The following COX7B2 variants were observed in gnomAD, a reference collection of about 807,000 sequenced individuals.
COX7B2 encodes the protein cytochrome c oxidase subunit 7B2.
For missense variants in COX7B2, 109 were observed against 95.9 expected (o/e 1.14, Z -0.57); for synonymous variants, 37 against 32.1 (o/e 1.15, Z -0.51).
rs553861187 is a variant in COX7B2 at position 46,780,449 on chromosome 4, A to G, written c.-49-45208T>C. On this transcript the variant is annotated intron_variant, in intron 2 of 2. Transcript: ENST00000355591. ...GGAGAATGGCATGAACCCAGGAGGC[A>G]GAGCTTGCAGTGAGCCAAGATCGTG... Among the ~76,000 whole-genome samples the G allele has an allele frequency of 1.2e-3, 188 of 152,266 alleles. 1 individual carries two copies. Among genetic ancestry groups the G allele is most frequent in the African/African-American group, 4.3e-3 (177 of 41,552 alleles).
At chr4:46,845,694 G>GAAGAAAAAACCCT (rs1351047549) in intron 1 of COX7B2, among the ~76,000 whole-genome samples, 1 of 151,922 alleles carries the variant, frequency 6.6e-6, no homozygotes, top group Non-Finnish European at 1.5e-5. Context: ...ACAGTCCACA[G>GAAGAAAAAACCCT]AAGAAAAAAC....
intron 2 of COX7B2, among the ~76,000 whole-genome samples, chr4:46,799,550 G>A (rs545394525): frequency 3.0e-4 from 45 of 152,254 alleles, no homozygotes; most frequent in African/African-American, 8.7e-4. Context: ...AGTTTGTTGA[G>A]AGTTTATAAT....
chr4:46,840,920 C>A (rs190321647), intron 2 of COX7B2, among the ~76,000 whole-genome samples: 1 of 151,928 alleles, frequency 6.6e-6, no homozygotes, highest in African/African-American at 2.4e-5. Flanking sequence ...TAAAAGGACT[C>A]ATTAAATGAA....
chr4:46,805,091 G>A (rs1221766999), intron 2 of COX7B2, among the ~76,000 whole-genome samples: 2 of 152,206 alleles, frequency 1.3e-5, no homozygotes, highest in East Asian at 1.9e-4. Flanking sequence ...TCCGAGTGCA[G>A]GACCCGCCAA....
At chr4:46,849,069 C>T (rs1446391181) in intron 1 of COX7B2, among the ~76,000 whole-genome samples, 2 of 151,832 alleles carry the variant, frequency 1.3e-5, no homozygotes, top group Non-Finnish European at 2.9e-5. Flanking sequence ...CAATTCTTTC[C>T]CCAAATATTT....
chr4:46,813,589 A>G (rs940466755), intron 2 of COX7B2, among the ~76,000 whole-genome samples: 1 of 152,200 alleles, frequency 6.6e-6, no homozygotes, highest in African/African-American at 2.4e-5. Flanking sequence ...GAGTATTAGG[A>G]CAAATACCTA....
At chr4:46,907,225 T>C (rs911235835) in intron 1 of COX7B2, among the ~76,000 whole-genome samples, 3 of 152,202 alleles carry the variant, frequency 2.0e-5, no homozygotes, top group Admixed American at 6.5e-5. Flanking sequence ...TGAATCTCTA[T>C]TTCCCTCTAC....
chr4:46,842,072 C>A (rs1715966806), intron 2 of COX7B2, among the ~76,000 whole-genome samples: 2 of 151,928 alleles, frequency 1.3e-5, no homozygotes, highest in South Asian at 2.1e-4. Flanking sequence ...TTATATTATT[C>A]ATAAAGAAGC....
chr4:46,750,431 A>T (rs545132473), intron 2 of COX7B2, among the ~76,000 whole-genome samples: 1 of 152,260 alleles, frequency 6.6e-6, no homozygotes, highest in Non-Finnish European at 1.5e-5. Flanking sequence ...AATTTCTTTT[A>T]TTATAAGGAC....
intron 1 of COX7B2, among the ~76,000 whole-genome samples, chr4:46,898,662 A>G (rs1482846461): frequency 6.6e-6 from 1 of 152,082 alleles, no homozygotes; most frequent in Non-Finnish European, 1.5e-5. Flanking sequence ...TGGGCCCAAG[A>G]GATCCACTGG....
intron 2 of COX7B2, among the ~76,000 whole-genome samples, chr4:46,765,313 G>A (rs920021826): frequency 1.5e-5 from 2 of 134,518 alleles, no homozygotes; most frequent in African/African-American, 5.3e-5. Flanking sequence ...GAGAGAGATA[G>A]CCATTGCAGG....
chr4:46,893,657 A>G (rs1719577666), intron 1 of COX7B2, among the ~76,000 whole-genome samples: 1 of 152,184 alleles, frequency 6.6e-6, no homozygotes, highest in Admixed American at 6.5e-5. Flanking sequence ...ATCCATGGAT[A>G]AAGTCAAAAA....
intron 2 of COX7B2, among the ~76,000 whole-genome samples, chr4:46,795,021 C>T (rs935681643): frequency 1.4e-5 from 2 of 140,270 alleles, no homozygotes; most frequent in African/African-American, 3.2e-5. Flanking sequence ...CTGTTCATGT[C>T]CTTCGCCCAC....
At chr4:46,824,456 C>A (rs2109704926) in intron 2 of COX7B2, among the ~76,000 whole-genome samples, 1 of 152,132 alleles carries the variant, frequency 6.6e-6, no homozygotes, top group Middle Eastern at 3.4e-3. Flanking sequence ...TCACTTGTAC[C>A]AAAGTCAATC....
At chr4:46,838,089 A>C (rs796715935) in intron 2 of COX7B2, among the ~76,000 whole-genome samples, 3 of 152,162 alleles carry the variant, frequency 2.0e-5, no homozygotes, top group African/African-American at 7.2e-5. Flanking sequence ...TGCCAACTAC[A>C]AGCAAAATAG....
rs542768254 is a variant in COX7B2, at chr4:46,811,273, G to A, written c.-50+33687C>T. Among the ~76,000 whole-genome samples, 156 of 150,860 alleles carry A rather than the reference G, an allele frequency of 1.0e-3. 1 individual carries two copies. The highest frequency in any genetic ancestry group is 3.7e-3 in the African/African-American group (153 of 41,222). On this transcript the variant is annotated intron_variant, in intron 2 of 2. Coordinates refer to ENST00000355591, the MANE Select transcript of COX7B2 (RefSeq NM_130902.3). The stretch of plus-strand genomic sequence containing the variant: ...TTTGTCTTTCTCTTATGTTTTTGGG[G>A]ACTCCAATAATCAAATATTTATTCA...
chr4:46,893,349 G>A (rs891978930), intron 1 of COX7B2, among the ~76,000 whole-genome samples: 1 of 152,220 alleles, frequency 6.6e-6, no homozygotes, highest in Middle Eastern at 3.4e-3. Flanking sequence ...TTCCCTCCAC[G>A]GATAAGTTAT....
chr4:46,804,089 G>A (rs1718829545), intron 2 of COX7B2, among the ~76,000 whole-genome samples: 1 of 152,032 alleles, frequency 6.6e-6, no homozygotes, highest in South Asian at 2.1e-4. Flanking sequence ...GCTCAGGAGT[G>A]AAGCTGCAGA....
At chr4:46,785,929 G>C (rs1717732904) in intron 2 of COX7B2, among the ~76,000 whole-genome samples, 1 of 152,040 alleles carries the variant, frequency 6.6e-6, no homozygotes, top group Non-Finnish European at 1.5e-5. Context: ...CCTATTCTCA[G>C]GATTGGTAAG....
Sources: gnomAD v4.1 joint callset for allele counts (sites outside exome capture counted in the v4.1 genomes callset) on GRCh38, gnomAD v4.1.1 for gene constraint, MANE v1.5 for transcripts, NCBI Gene and HGNC (gene_info 2026-07-23, HGNC 2026-07-21) for gene names.